RIMS1: variants seen among roughly 807,000 people sequenced by gnomAD.
RIMS1 encodes regulating synaptic membrane exocytosis 1.
Under a neutral mutation model 214.1 loss-of-function variants are expected in RIMS1, and 83 were observed. The observed-to-expected ratio is 0.39, with a 90% CI of 0.32 to 0.47. The LOEUF is 0.47. RIMS1 is among the 20% of genes least tolerant of loss of function. The probability of loss-of-function intolerance (pLI) is 0.99; values close to 1 mark genes in which losing one functional copy is unlikely to be tolerated. For synonymous variants in RIMS1, 793 were observed against 786.8 expected (o/e 1.01, Z -0.13); for missense variants, 2,050 against 2,161.8 (o/e 0.95, Z 1.03).
At position 72,121,952 on chromosome 6, in the gene RIMS1, C is replaced by T. The variant is rs1025001295; in HGVS notation, c.471+21966C>T. Among the ~76,000 whole-genome samples the T allele has an allele frequency of 4.6e-5, 7 of 151,726 alleles. 1 individual carries two copies. The highest frequency in any genetic ancestry group is 1.3e-4 in the Admixed American group (2 of 15,190). On this transcript the variant is annotated intron_variant, in intron 4 of 33. Transcript: ENST00000521978. ...TTGGTTCTGTTTATGTGATGGATTA[C>T]GTTTATTTATTTGCATATGTAGAAC...
At chr6:72,233,031 T>C (rs138707246) in intron 6 of RIMS1, among the ~76,000 whole-genome samples, 4 of 151,956 alleles carry the variant, frequency 2.6e-5, no homozygotes, top group African/African-American at 9.6e-5. Context: ...TTCCCTAATA[T>C]CTCTTCTCAT....
At chr6:72,259,641 T>A (rs1269460555) in intron 18 of RIMS1, among the ~76,000 whole-genome samples, 1 of 152,152 alleles carries the variant, frequency 6.6e-6, no homozygotes, top group Non-Finnish European at 1.5e-5. Flanking sequence ...GATGGGTTCT[T>A]ATGGGGATAT....
chr6:72,341,869 C>T (rs1445420739), intron 29 of RIMS1, among the ~76,000 whole-genome samples: 1 of 151,712 alleles, frequency 6.6e-6, no homozygotes, highest in Admixed American at 6.6e-5. Flanking sequence ...GCTGAGAATA[C>T]TTTGTTAGCA....
Position 72,307,338 on chromosome 6 carries a change from A to G in RIMS1, c.3931A>G (p.Ser1311Gly). 1.2e-6 allele frequency: 2 copies of G among 1,603,784 alleles called. No individual in the cohort carries two copies. Among genetic ancestry groups the G allele is most frequent in the East Asian group, 2.2e-5 (1 of 44,668 alleles). Reference sequence around the variant, plus strand: ...TAAGCAGACAACAGGGTCTGGTTCTAGTCAAGAACTTGATCGCGAGCAATA... The same window carrying G: ...TAAGCAGACAACAGGGTCTGGTTCTGGTCAAGAACTTGATCGCGAGCAATA... ...RFKQTTGSGS[S>G]QELDREQYSK... The change falls in exon 27 of 34, where the codon AGT becomes GGT. Residue 1311 changes from serine (S) to glycine (G), a missense_variant. Physicochemically the swap from Ser to Gly is moderately conservative, Grantham distance 56 (BLOSUM62 0). Around this residue, in one of 6 missense-constraint regions of RIMS1, gnomAD observed 889 missense variants for 885.5 expected, o/e 1.00. Coordinates refer to ENST00000521978, the MANE Select transcript of RIMS1 (RefSeq NM_014989.7).
At chr6:72,272,639 CT>C (rs1477299810) in intron 22 of RIMS1, among the ~76,000 whole-genome samples, 2 of 152,020 alleles carry the variant, frequency 1.3e-5, no homozygotes, top group Admixed American at 6.5e-5. Context: ...CTTGCTTTTT[CT>C]TTACTTTTAT....
At chr6:71,887,483 T>C (rs1768114685) in intron 1 of RIMS1, among the ~76,000 whole-genome samples, 1 of 151,846 alleles carries the variant, frequency 6.6e-6, no homozygotes, top group Non-Finnish European at 1.5e-5. Context: ...TGGTGGGAAG[T>C]GCAGAAGCTG....
At chr6:72,238,172 T>C (rs2065095763) in intron 9 of RIMS1, among the ~76,000 whole-genome samples, 1 of 152,068 alleles carries the variant, frequency 6.6e-6, no homozygotes, top group Non-Finnish European at 1.5e-5. Flanking sequence ...ATCTTCTTTT[T>C]ATAAAAATAA....
In RIMS1 at chr6:72,284,040, T is replaced by C. The variant is rs760127185; in HGVS notation, c.3483-7T>C. The C allele has an allele frequency of 6.2e-7, 1 of 1,610,232 alleles. No individual in the cohort carries two copies. The highest frequency in any genetic ancestry group is 8.5e-7 in the Non-Finnish European group (1 of 1,176,992). Reference sequence around the variant, plus strand: ...ATATATTTTGTGTTTAACATTTCATTCCACAGGCACTCCAGAAAGTCTGAA... The same window carrying C: ...ATATATTTTGTGTTTAACATTTCATCCCACAGGCACTCCAGAAAGTCTGAA... On this transcript the variant is annotated splice_polypyrimidine_tract_variant and splice_region_variant and intron_variant, in intron 23 of 33. Transcript: ENST00000521978.
chr6:72,132,952 GT>G (rs1449454154), intron 4 of RIMS1, among the ~76,000 whole-genome samples: 1 of 151,472 alleles, frequency 6.6e-6, no homozygotes, highest in Non-Finnish European at 1.5e-5. Flanking sequence ...ATATCCATAT[GT>G]TTTTTATTAA....
At chr6:72,067,638 C>A (rs1280534820) in intron 2 of RIMS1, among the ~76,000 whole-genome samples, 1 of 152,180 alleles carries the variant, frequency 6.6e-6, no homozygotes, top group South Asian at 2.1e-4. Flanking sequence ...AGAACATATA[C>A]CCCTTGAGTT....
At chr6:72,003,555 G>C (rs1806109296) in intron 2 of RIMS1, among the ~76,000 whole-genome samples, 2 of 151,956 alleles carry the variant, frequency 1.3e-5, no homozygotes, top group South Asian at 4.2e-4. Flanking sequence ...ATGGGTTTCT[G>C]GGAAAGAAAA....
At chr6:72,283,132 A>G (rs2090959155) in intron 23 of RIMS1, among the ~76,000 whole-genome samples, 1 of 152,094 alleles carries the variant, frequency 6.6e-6, no homozygotes, top group Admixed American at 6.6e-5. Flanking sequence ...AAGGGATATC[A>G]GTAAAGAAAA....
At chr6:72,059,932 T>G (rs969742960) in intron 2 of RIMS1, among the ~76,000 whole-genome samples, 2 of 151,814 alleles carry the variant, frequency 1.3e-5, no homozygotes, top group African/African-American at 4.8e-5. Flanking sequence ...ATGAAGCGGC[T>G]TTTTATTTTT....
chr6:72,335,195 G>A (rs1328702814), intron 29 of RIMS1, among the ~76,000 whole-genome samples: 1 of 151,752 alleles, frequency 6.6e-6, no homozygotes, highest in Non-Finnish European at 1.5e-5. Context: ...TTTCTCCTAG[G>A]CCTCCTAGGA....
intron 2 of RIMS1, among the ~76,000 whole-genome samples, chr6:71,995,451 C>CGTGTGTGTGTGT (rs59174738): frequency 6.6e-4 from 96 of 144,498 alleles, no homozygotes; most frequent in African/African-American, 1.9e-3. Flanking sequence ...TGTAATATGA[C>CGTGTGTGTGTGT]GTGTGTGTGT....
intron 4 of RIMS1, among the ~76,000 whole-genome samples, chr6:72,152,857 A>T (rs182196239): frequency 9.2e-6 from 1 of 109,264 alleles, no homozygotes; most frequent in Non-Finnish European, 1.9e-5. Flanking sequence ...GAATATATGT[A>T]TATATATGTA....
intron 6 of RIMS1, among the ~76,000 whole-genome samples, chr6:72,211,608 G>A (rs1232797686): frequency 6.6e-6 from 1 of 152,070 alleles, no homozygotes; most frequent in African/African-American, 2.4e-5. Context: ...GTGGTGTATG[G>A]AACTTAGAAA....
chr6:72,027,941 C>T (rs145660057), intron 2 of RIMS1, among the ~76,000 whole-genome samples: 30 of 152,100 alleles, frequency 2.0e-4, no homozygotes, highest in African/African-American at 5.3e-4. Flanking sequence ...TGGAGACATC[C>T]GTTTTCATTT....
At chr6:71,984,781 C>G (rs78412289) in intron 2 of RIMS1, among the ~76,000 whole-genome samples, 5,198 of 65,468 alleles carry the variant, frequency 0.079, 130 homozygotes, top group Admixed American at 0.15. Context: ...ACATATCTAT[C>G]TATCTATCTA....
Sources: gnomAD v4.1 joint callset for allele counts (sites outside exome capture counted in the v4.1 genomes callset) on GRCh38, gnomAD v4.1.1 for gene constraint, gnomAD v4.1.1 regional missense constraint, MANE v1.5 for transcripts, NCBI Gene and HGNC (gene_info 2026-07-23, HGNC 2026-07-21) for gene names.